The following LARGE1 variants were observed in gnomAD, a reference collection of about 807,000 sequenced individuals.
LARGE1 encodes the protein xylosyl- and glucuronyltransferase LARGE1.
LARGE1 carries 43 observed loss-of-function variants against 87.6 expected under a neutral mutation model. The observed-to-expected ratio is 0.49, with a 90% confidence interval of 0.38 to 0.63. LARGE1 has a LOEUF of 0.63. Ranked by LOEUF, LARGE1 falls within the 30% of genes least tolerant of loss-of-function variation. The pLI is 0.00. For missense variants in LARGE1, 802 were observed against 1,000.2 expected (o/e 0.80, Z 2.67); for synonymous variants, 434 against 394.6 (o/e 1.10, Z -1.18).
chr22:33,580,661 G>A (rs767103121), intron 5 of LARGE1, among the ~76,000 whole-genome samples: 26 of 152,036 alleles, frequency 1.7e-4, no homozygotes, highest in Non-Finnish European at 3.1e-4. Flanking sequence ...ACAATGTAAG[G>A]GCAACACACA....
chr22:33,260,845 A>C (rs1464465992), intron 11 of LARGE1, among the ~76,000 whole-genome samples: 2 of 152,160 alleles, frequency 1.3e-5, no homozygotes. Flanking sequence ...AGGTTCTGAA[A>C]GAGCACTTTT....
At position 33,572,732 on chromosome 22, in the gene LARGE1, T is replaced by C. The variant is rs764813865; in HGVS notation, c.616-7713A>G. Among the ~76,000 whole-genome samples, 3 of 151,968 alleles carry C rather than the reference T, an allele frequency of 2.0e-5. 1 individual carries two copies. The highest frequency in any genetic ancestry group is 4.4e-5 in the Non-Finnish European group (3 of 67,986). Reference sequence around the variant, plus strand: ...TAAAAATGCAAAAATTAGCCAGGCATGGTGGCGCATGCCTGTAATCCCAGC... The same window carrying C: ...TAAAAATGCAAAAATTAGCCAGGCACGGTGGCGCATGCCTGTAATCCCAGC... On this transcript the variant is annotated intron_variant, in intron 5 of 14. Transcript: ENST00000397394.
intron 12 of LARGE1, among the ~76,000 whole-genome samples, chr22:33,299,755 G>A (rs1464361411): frequency 1.3e-5 from 2 of 152,252 alleles, no homozygotes; most frequent in African/African-American, 4.8e-5. Flanking sequence ...CACTTGATTA[G>A]TGTTGTGGAA....
chr22:33,381,746 A>C (rs1162186730), intron 9 of LARGE1, among the ~76,000 whole-genome samples, 173 bp downstream of exon 9: 3 of 152,170 alleles, frequency 2.0e-5, no homozygotes, highest in African/African-American at 7.2e-5. Context: ...AGCCCAAATA[A>C]GGGTGGAAAA....
intron 6 of LARGE1, among the ~76,000 whole-genome samples, chr22:33,537,598 T>C (rs11704460): frequency 0.56 from 84,370 of 151,904 alleles, 23,817 homozygotes; most frequent in Admixed American, 0.65. Context: ...GACGGAGGCT[T>C]GTCTGTCACC....
intron 2 of LARGE1, among the ~76,000 whole-genome samples, chr22:33,661,594 T>C (rs569223434): frequency 6.6e-6 from 1 of 152,132 alleles, no homozygotes; most frequent in Admixed American, 6.5e-5. Context: ...AAGATTTCAA[T>C]GGCAAACAGC....
At chr22:33,452,155 CAA>C (rs2067958306) in intron 6 of LARGE1, among the ~76,000 whole-genome samples, 1 of 152,114 alleles carries the variant, frequency 6.6e-6, no homozygotes, top group African/African-American at 2.4e-5. Context: ...AAAAACAAAA[CAA>C]AACAAATTCC....
intron 11 of LARGE1, among the ~76,000 whole-genome samples, chr22:33,267,347 G>C (rs1928008644): frequency 6.6e-6 from 1 of 151,752 alleles, no homozygotes; most frequent in Admixed American, 6.6e-5. Flanking sequence ...ATTAATGGTA[G>C]CTGCGATTGC....
At chr22:33,652,514 T>C (rs911990005) in intron 2 of LARGE1, among the ~76,000 whole-genome samples, 1 of 120,342 alleles carries the variant, frequency 8.3e-6, no homozygotes, top group African/African-American at 2.7e-5. Context: ...GTTTCCACTC[T>C]GCAGAAATCC....
intron 7 of LARGE1, among the ~76,000 whole-genome samples, chr22:33,391,936 A>T (rs898038348): frequency 6.6e-6 from 1 of 151,382 alleles, no homozygotes; most frequent in Non-Finnish European, 1.5e-5. Context: ...CACCCAGCTA[A>T]TTTTTTGTAT....
At chr22:33,694,442 A>T (rs999831737) in intron 2 of LARGE1, among the ~76,000 whole-genome samples, 1 of 152,230 alleles carries the variant, frequency 6.6e-6, no homozygotes, top group African/African-American at 2.4e-5. Flanking sequence ...GAAAGGACAG[A>T]GGGCAGAGAC....
At chr22:33,639,005 G>A (rs2080352271) in intron 3 of LARGE1, among the ~76,000 whole-genome samples, 1 of 152,202 alleles carries the variant, frequency 6.6e-6, no homozygotes, top group African/African-American at 2.4e-5. Flanking sequence ...ATGGGTATGT[G>A]CTGAGTGGGC....
chr22:33,585,492 C>G (rs754061595), intron 5 of LARGE1, among the ~76,000 whole-genome samples: 9 of 152,060 alleles, frequency 5.9e-5, no homozygotes, highest in African/African-American at 9.7e-5. Flanking sequence ...AGAAGATTCC[C>G]TGTTTGGTAA....
At chr22:33,188,551 T>C (rs1296863343) in intron 11 of LARGE1, among the ~76,000 whole-genome samples, 1 of 151,826 alleles carries the variant, frequency 6.6e-6, no homozygotes, top group Non-Finnish European at 1.5e-5. Context: ...TTACAAAGAG[T>C]AGCTAAAGCA....
intron 4 of LARGE1, among the ~76,000 whole-genome samples, chr22:33,611,198 G>C (rs975181559): frequency 6.6e-6 from 1 of 152,202 alleles, no homozygotes; most frequent in South Asian, 2.1e-4. Context: ...GTGGGAAGGG[G>C]GCCACTATCG....
the LARGE1 span, among the ~76,000 whole-genome samples, chr22:33,077,916 G>A: frequency 1.3e-5 from 2 of 151,676 alleles, no homozygotes; most frequent in African/African-American, 4.8e-5. Context: ...CTAGGATGAA[G>A]GTGTTTATGC....
At chr22:33,130,119 A>T in the LARGE1 span, among the ~76,000 whole-genome samples, 3 of 150,954 alleles carry the variant, frequency 2.0e-5, no homozygotes, top group East Asian at 2.0e-4. Flanking sequence ...TCGAGACCAT[A>T]CTGGCTAACA....
intron 1 of LARGE1, among the ~76,000 whole-genome samples, chr22:33,883,431 T>C (rs564650151): frequency 3.9e-5 from 6 of 152,208 alleles, no homozygotes; most frequent in Non-Finnish European, 7.3e-5. Context: ...CCTCATCTCC[T>C]GCCTGAAGTA....
At chr22:33,904,206 T>C (rs992046406) in intron 1 of LARGE1, among the ~76,000 whole-genome samples, 3 of 152,002 alleles carry the variant, frequency 2.0e-5, no homozygotes, top group African/African-American at 7.2e-5. Context: ...AGATGGAGTC[T>C]CATTCTGTCG....
Sources: allele counts gnomAD v4.1 joint callset (sites outside exome capture counted in the v4.1 genomes callset), GRCh38; gene constraint gnomAD v4.1.1; transcripts MANE v1.5; gene names NCBI Gene and HGNC (gene_info 2026-07-23, HGNC 2026-07-21).